TUBB1: variants seen among roughly 807,000 people sequenced by gnomAD.
TUBB1 encodes the protein tubulin beta 1 class VI.
In TUBB1, 28 loss-of-function variants were observed where a neutral mutation model predicts 22.6. That is an observed-to-expected ratio of 1.24 (90% CI 0.92 to 1.70). TUBB1 has a LOEUF of 1.70. TUBB1 is among the 40% of genes most tolerant of loss of function. TUBB1 has a pLI of 0.00. For synonymous variants in TUBB1, 226 were observed against 238.0 expected (o/e 0.95, Z 0.46); for missense variants, 577 against 605.5 (o/e 0.95, Z 0.49).
rs6070696 is a variant in TUBB1, at chr20:59,022,590, A to G, written c.58-255A>G. The stretch of plus-strand genomic sequence containing the variant: ...CATGAATTTAATAGGAGGAAAATCC[A>G]ATTTAGTACTTTGTGTTTGACATTT... On this transcript the variant is annotated intron_variant, in intron 1 of 3. Transcript: ENST00000217133. Among the ~76,000 whole-genome samples, 27,732 of 152,154 alleles carry G rather than the reference A, an allele frequency of 0.18. 2,641 individuals are homozygous for G. The highest frequency in any genetic ancestry group is 0.18 in the Non-Finnish European group (12,490 of 68,012).
At chr20:59,016,829 A>T (rs1055560490), upstream of TUBB1, among the ~76,000 whole-genome samples, 1 of 152,164 alleles carries the variant, frequency 6.6e-6, no homozygotes, top group African/African-American at 2.4e-5. Context: ...ACCTGTGAAT[A>T]TCCTCCTCTT....
At position 59,023,732 on chromosome 20, in the gene TUBB1, C is replaced by A. The variant is rs1014420517; in HGVS notation, c.305C>A (p.Ala102Asp). Reference protein sequence around the residue: ...HGNSGAGNNWAKGHYTEGAEL... With the variant: ...HGNSGAGNNWDKGHYTEGAEL... ...AACTCTGGGGCTGGCAACAACTGGG[C>A]CAAAGGCCACTACACGGAGGGAGCC... Residue 102 changes from alanine (A) to aspartate (D), a missense_variant, in exon 4 of 4, where the codon GCC becomes GAC. Coordinates refer to ENST00000217133, the MANE Select transcript of TUBB1 (RefSeq NM_030773.4). The A allele has an allele frequency of 6.2e-7, 1 of 1,614,192 alleles. No homozygotes were observed. The highest frequency in any genetic ancestry group is 8.5e-7 in the Non-Finnish European group (1 of 1,180,032).
upstream of TUBB1, among the ~76,000 whole-genome samples, chr20:59,017,666 T>C (rs1178206467): frequency 1.3e-5 from 2 of 152,160 alleles, no homozygotes; most frequent in African/African-American, 2.4e-5. Context: ...GCTCCAATGC[T>C]TCAACCAAGG....
chr20:59,023,611 C>T lies in TUBB1; in HGVS notation c.277+11C>T, dbSNP rs1191704196. On this transcript the variant is annotated intron_variant, in intron 3 of 3. Transcript: ENST00000217133. ...ACAGTTTTGTCCATGGTATGTTTTT[C>T]CAGAAGGTTCCACCAGGAGGAGGGG... 6.2e-7 allele frequency: 1 copy of T among 1,613,898 alleles called. No individual in the cohort carries two copies.
rs1034365873 is a variant in TUBB1 at position 59,024,914 on chromosome 20, G to C, written c.*131G>C. On this transcript the variant is annotated 3_prime_UTR_variant, in exon 4 of 4. Coordinates refer to ENST00000217133, the MANE Select transcript of TUBB1 (RefSeq NM_030773.4). This position sits in a 1 kb window ranked among gnomAD's most constrained non-coding sequence, Gnocchi z 4.9. Reference sequence around the variant, plus strand: ...ATGATATGCACTCACCATTAGCTTCGACACAGGGACTGAGGGAGACAGGTG... The same window carrying C: ...ATGATATGCACTCACCATTAGCTTCCACACAGGGACTGAGGGAGACAGGTG... 2 of 827,316 alleles carry C rather than the reference G, an allele frequency of 2.4e-6. No individual in the cohort carries two copies. Among genetic ancestry groups the C allele is most frequent in the Non-Finnish European group, 4.0e-6 (2 of 494,916 alleles). The allele number at this position is 827,316 out of a possible 1,614,324, so 51.2% of individuals were successfully genotyped here.
upstream of TUBB1, among the ~76,000 whole-genome samples, chr20:59,018,461 G>A (rs2091953888): frequency 6.6e-6 from 1 of 151,718 alleles, no homozygotes; most frequent in African/African-American, 2.4e-5. Context: ...AGGCTGGAGT[G>A]CAGTGGCATG....
At chr20:59,017,692 G>C (rs2091950411), upstream of TUBB1, among the ~76,000 whole-genome samples, 1 of 152,226 alleles carries the variant, frequency 6.6e-6, no homozygotes, top group South Asian at 2.1e-4. Context: ...GGTCTGGCGA[G>C]AGGCAGGGGA....
At position 59,024,797 on chromosome 20, in the gene TUBB1, T is replaced by G. The variant is rs2091986892; in HGVS notation, c.*14T>G. 1 of 1,613,008 alleles carries G rather than the reference T, an allele frequency of 6.2e-7. No homozygotes were observed. Among genetic ancestry groups the G allele is most frequent in the South Asian group, 1.1e-5 (1 of 91,054 alleles). On this transcript the variant is annotated 3_prime_UTR_variant, in exon 4 of 4. Transcript: ENST00000217133. The surrounding 1 kb of genome is among the most constrained non-coding windows in gnomAD (Gnocchi z 4.9). ...AAGGGACATTAACTGTGAGAGAAGC[T>G]GTGCCGCGGAGTCGCTTACAGAACA...
chr20:59,018,842 G>A (rs573466124), upstream of TUBB1, among the ~76,000 whole-genome samples: 1 of 152,380 alleles, frequency 6.6e-6, no homozygotes, highest in East Asian at 1.9e-4. Flanking sequence ...TGGGAAGGGT[G>A]CTGGGGCACA....
In TUBB1 at chr20:59,022,865, G is replaced by C; in HGVS notation, c.78G>C (p.Glu26Asp). 8 of 1,614,140 alleles carry C rather than the reference G, an allele frequency of 5.0e-6. No individual in the cohort carries two copies. Among genetic ancestry groups the C allele is most frequent in the Non-Finnish European group, 6.8e-6 (8 of 1,180,004 alleles). ...TTCAGTTCTGGGAGATGATTGGTGA[G>C]GAACACGGGATCGACTTGGCTGGGA... The part of the protein sequence containing the change: ...IGAKFWEMIG[E>D]EHGIDLAGSD... The change falls in exon 2 of 4, where the codon GAG becomes GAC. Residue 26 changes from glutamate to aspartate, a missense_variant. By Grantham distance (45) the Glu-to-Asp change is conservative. Transcript: ENST00000217133.
chr20:59,023,990 C>T lies in TUBB1; in HGVS notation c.563C>T (p.Ser188Phe), dbSNP rs764593908. 3.1e-6 allele frequency: 5 copies of T among 1,614,190 alleles called. No individual in the cohort carries two copies. Among genetic ancestry groups the T allele is most frequent in the Non-Finnish European group, 4.2e-6 (5 of 1,180,028 alleles). Residue 188 changes from serine to phenylalanine, a missense_variant, in exon 4 of 4, where the codon TCT becomes TTT. Coordinates refer to ENST00000217133, the MANE Select transcript of TUBB1 (RefSeq NM_030773.4). ...GTGGAGCCCTACAACGCGGTTCTGT[C>T]TATCCACCAGCTGATTGAGAATGCA... ...TVVEPYNAVL[S>F]IHQLIENADA...
chr20:59,023,598 A>G lies in TUBB1; in HGVS notation c.275A>G (p.His92Arg). ...GALFQPDSFV[H>R]GNSGAGNNWA... ...CTCTTTCAACCCGACAGTTTTGTCC[A>G]TGGTATGTTTTTCCAGAAGGTTCCA... The change falls in exon 3 of 4, where the codon CAT becomes CGT. Residue 92 changes from histidine (H) to arginine (R), a missense_variant and splice_region_variant. Coordinates refer to ENST00000217133, the MANE Select transcript of TUBB1 (RefSeq NM_030773.4). 1.2e-6 allele frequency: 2 copies of G among 1,614,176 alleles called. No individual in the cohort carries two copies. The highest frequency in any genetic ancestry group is 1.7e-6 in the Non-Finnish European group (2 of 1,180,016).
Position 59,025,620 on chromosome 20 carries a change from T to C in TUBB1, c.*837T>C, listed in dbSNP as rs900050718. ...TTAAAGGCTATTTTGAAATGGTCTTTTCACTTTCATTCAGTCATCACCCCC... is the reference window on the plus strand; with the variant it reads ...TTAAAGGCTATTTTGAAATGGTCTTCTCACTTTCATTCAGTCATCACCCCC... On this transcript the variant is annotated 3_prime_UTR_variant, in exon 4 of 4. Coordinates refer to ENST00000217133, the MANE Select transcript of TUBB1 (RefSeq NM_030773.4). 6.6e-6 allele frequency: 1 copy of C among 152,224 alleles called. No individual in the cohort carries two copies. Among genetic ancestry groups the C allele is most frequent in the Non-Finnish European group, 1.5e-5 (1 of 68,044 alleles). The allele number at this position is 152,224 out of a possible 1,614,324, so 9.4% of individuals were successfully genotyped here.
In TUBB1 at chr20:59,019,447, C is replaced by T; in HGVS notation, c.-76C>T. ...AGTGACCACAGTTGTGTTGGGCTCA[C>T]ACCAGTGAACCGAAGCTCTGGATTC... On this transcript the variant is annotated 5_prime_UTR_variant, in exon 1 of 4. Coordinates refer to ENST00000217133, the MANE Select transcript of TUBB1 (RefSeq NM_030773.4). 7 of 1,561,514 alleles carry T rather than the reference C, an allele frequency of 4.5e-6. No homozygotes were observed. The highest frequency in any genetic ancestry group is 6.2e-6 in the Non-Finnish European group (7 of 1,132,674).
Position 59,024,465 on chromosome 20 carries a change from C to T in TUBB1, c.1038C>T (p.Pro346=). ...RNSSCFVEWI[P]NNVKVAVCDI... is the part of the protein sequence containing the mutation. ...GCAGCTGCTTTGTGGAGTGGATTCC[C>T]AACAACGTCAAGGTGGCTGTCTGCG... The change falls in exon 4 of 4, where the codon CCC becomes CCT. Residue 346 remains proline (P), a synonymous_variant. Coordinates refer to ENST00000217133, the MANE Select transcript of TUBB1 (RefSeq NM_030773.4). The surrounding 1 kb of genome is among the most constrained non-coding windows in gnomAD (Gnocchi z 4.9). 6 of 1,614,096 alleles carry T rather than the reference C, an allele frequency of 3.7e-6. No individual in the cohort carries two copies. Among genetic ancestry groups the T allele is most frequent in the Non-Finnish European group, 5.1e-6 (6 of 1,179,944 alleles).
chr20:59,024,352 C>T lies in TUBB1; in HGVS notation c.925C>T (p.Arg309Cys), dbSNP rs768884799. The T allele has an allele frequency of 7.4e-6, 12 of 1,614,006 alleles. No individual in the cohort carries two copies. In the East Asian group the frequency reaches 1.3e-4, roughly 18 times the overall value. Residue 309 changes from arginine (R) to cysteine (C), a missense_variant, in exon 4 of 4, where the codon CGC becomes TGC. Coordinates refer to ENST00000217133, the MANE Select transcript of TUBB1 (RefSeq NM_030773.4). The surrounding 1 kb of genome is among the most constrained non-coding windows in gnomAD (Gnocchi z 4.9). ...TMAACDLRRG[R>C]YLTVACIFRG... ...GGCTGCCTGTGACCTCCGCCGTGGCCGCTACCTCACAGTGGCCTGCATTTT... is the reference window on the plus strand; with the variant it reads ...GGCTGCCTGTGACCTCCGCCGTGGCTGCTACCTCACAGTGGCCTGCATTTT...
In TUBB1 at chr20:59,024,592, T is replaced by C. The variant is rs1341544537; in HGVS notation, c.1165T>C (p.Phe389Leu). 1.2e-6 allele frequency: 2 copies of C among 1,614,084 alleles called. No homozygotes were observed. Among genetic ancestry groups the C allele is most frequent in the Non-Finnish European group, 1.7e-6 (2 of 1,180,046 alleles). ...NRVSEHFSAM[F>L]KRKAFVHWYT... The stretch of plus-strand genomic sequence containing the variant: ...GGTCTCTGAGCATTTCTCAGCCATG[T>C]TCAAAAGGAAAGCTTTTGTGCACTG... The change falls in exon 4 of 4, where the codon TTC becomes CTC. Residue 389 changes from phenylalanine (F) to leucine (L), a missense_variant. Transcript: ENST00000217133. This position sits in a 1 kb window ranked among gnomAD's most constrained non-coding sequence, Gnocchi z 4.9.
Position 59,024,663 on chromosome 20 carries a change from A to T in TUBB1, c.1236A>T (p.Glu412Asp). The change falls in exon 4 of 4, where the codon GAA (glutamate) becomes GAT (aspartate). Residue 412 changes from glutamate (E) to aspartate (D), a missense_variant. Coordinates refer to ENST00000217133, the MANE Select transcript of TUBB1 (RefSeq NM_030773.4). The surrounding 1 kb of genome is among the most constrained non-coding windows in gnomAD (Gnocchi z 4.9). Reference sequence around the variant, plus strand: ...ACATAAACGAATTTGGGGAAGCTGAAAATAACATCCATGATTTGGTATCCG... The same window carrying T: ...ACATAAACGAATTTGGGGAAGCTGATAATAACATCCATGATTTGGTATCCG... The part of the protein sequence containing the change: ...GMDINEFGEA[E>D]NNIHDLVSEY... 6.2e-7 allele frequency: 1 copy of T among 1,614,210 alleles called. No homozygotes were observed. Among genetic ancestry groups the T allele is most frequent in the African/African-American group, 1.3e-5 (1 of 75,052 alleles).
rs1159971884 is a variant in TUBB1, at chr20:59,024,226, A to T, written c.799A>T (p.Met267Leu). 6.2e-7 allele frequency: 1 copy of T among 1,613,882 alleles called. No homozygotes were observed. The change falls in exon 4 of 4, where the codon ATG becomes TTG. Residue 267 changes from methionine to leucine, a missense_variant. Physicochemically the swap from Met to Leu is conservative, Grantham distance 15 (BLOSUM62 2). Coordinates refer to ENST00000217133, the MANE Select transcript of TUBB1 (RefSeq NM_030773.4). The surrounding 1 kb of genome is among the most constrained non-coding windows in gnomAD (Gnocchi z 4.9). ...CCCCTTCCCCCGCCTGCACTTCTTT[A>T]TGCCCGGCTTTGCCCCACTCACGGC... ...MVPFPRLHFF[M>L]PGFAPLTAQG...
Sources: allele counts gnomAD v4.1 joint callset (sites outside exome capture counted in the v4.1 genomes callset), GRCh38; gene constraint gnomAD v4.1.1; non-coding constraint Gnocchi (gnomAD v3.1); transcripts MANE v1.5; gene names NCBI Gene and HGNC (gene_info 2026-07-23, HGNC 2026-07-21).